The following FSTL4 variants were observed in gnomAD, a reference collection of about 807,000 sequenced individuals.
FSTL4 encodes follistatin-related protein 4.
Under a neutral mutation model 78.2 loss-of-function variants are expected in FSTL4, and 28 were observed. That is an observed-to-expected ratio of 0.36 (90% CI 0.27 to 0.49). The LOEUF (loss-of-function observed/expected upper bound fraction) is 0.49, where lower values mean the gene tolerates loss of function less well. FSTL4 is among the 20% of genes least tolerant of loss of function. The probability of loss-of-function intolerance (pLI) is 0.98; values close to 1 mark genes in which losing one functional copy is unlikely to be tolerated. For missense variants in FSTL4, 922 were observed against 1,084.9 expected, an observed-to-expected ratio of 0.85 and a Z score of 2.11; for synonymous variants, 422 against 440.5, an observed-to-expected ratio of 0.96 and a Z score of 0.53.
chr5:133,357,737 C>G (rs1754971111), intron 4 of FSTL4, among the ~76,000 whole-genome samples: 1 of 152,120 alleles, frequency 6.6e-6, no homozygotes, highest in Non-Finnish European at 1.5e-5. Flanking sequence ...CTTCTGGCCT[C>G]TCTCCCTAGC....
the FSTL4 span, among the ~76,000 whole-genome samples, chr5:133,701,511 C>A: frequency 3.1e-5 from 2 of 63,518 alleles, no homozygotes; most frequent in East Asian, 6.3e-4. Flanking sequence ...ACACACACAC[C>A]CCACAGGCCA....
chr5:133,221,405 GC>G (rs767346478), intron 11 of FSTL4, among the ~76,000 whole-genome samples: 2 of 146,796 alleles, frequency 1.4e-5, no homozygotes, highest in South Asian at 2.2e-4. Context: ...TCTGTTCCCT[GC>G]CCCCCCACCG....
the FSTL4 span, among the ~76,000 whole-genome samples, chr5:133,644,562 T>C: frequency 6.6e-6 from 1 of 152,190 alleles, no homozygotes; most frequent in Non-Finnish European, 1.5e-5. Flanking sequence ...GTGATGGTCC[T>C]GCCTGCTGAC....
the FSTL4 span, among the ~76,000 whole-genome samples, chr5:133,761,013 G>A: frequency 0.013 from 2,035 of 152,284 alleles, 49 homozygotes; most frequent in African/African-American, 0.047. Context: ...ACTTCATCCC[G>A]TTAGAGCTAA....
intron 1 of FSTL4, among the ~76,000 whole-genome samples, chr5:133,610,093 A>T (rs1216969341): frequency 3.9e-5 from 6 of 152,248 alleles, no homozygotes. Flanking sequence ...ACAAAAGATC[A>T]TAACGTGAAG....
intron 4 of FSTL4, among the ~76,000 whole-genome samples, chr5:133,321,042 G>A (rs1754037897): frequency 6.7e-6 from 1 of 148,812 alleles, no homozygotes. Context: ...AATCATTTTG[G>A]GCAAGAAAGT....
At chr5:133,527,654 A>AG (rs1479621962) in intron 3 of FSTL4, among the ~76,000 whole-genome samples, 5 of 152,368 alleles carry the variant, frequency 3.3e-5, no homozygotes, top group Non-Finnish European at 5.9e-5. Context: ...TCAGAGTAGC[A>AG]AGAGTCATTC....
chr5:133,318,442 C>T (rs148183984), intron 4 of FSTL4, among the ~76,000 whole-genome samples: 1 of 152,162 alleles, frequency 6.6e-6, no homozygotes, highest in Non-Finnish European at 1.5e-5. Context: ...TAGCTCCTCA[C>T]TCCCTGAAAG....
the FSTL4 span, among the ~76,000 whole-genome samples, chr5:133,694,023 G>T: frequency 6.6e-6 from 1 of 152,152 alleles, no homozygotes; most frequent in African/African-American, 2.4e-5. Context: ...CAGCTCTCTA[G>T]GTATTACTCA....
chr5:133,213,746 T>A lies in FSTL4; in HGVS notation c.1609-3448A>T, dbSNP rs114904750. On this transcript the variant is annotated intron_variant, in intron 13 of 15. Transcript: ENST00000265342. Reference sequence around the variant, plus strand: ...CAAATAACAAAAGTAACATAGTAGATAAAAATCAACTATATAATTAATTAT... The same window carrying A: ...CAAATAACAAAAGTAACATAGTAGAAAAAAATCAACTATATAATTAATTAT... Among the ~76,000 whole-genome samples the A allele has an allele frequency of 3.0e-3, 463 of 152,170 alleles. 5 individuals are homozygous for A. The highest frequency in any genetic ancestry group is 0.01 in the African/African-American group (435 of 41,522).
intron 3 of FSTL4, among the ~76,000 whole-genome samples, chr5:133,516,382 C>T (rs918547314): frequency 9.2e-5 from 14 of 152,140 alleles, no homozygotes; most frequent in African/African-American, 3.1e-4. Flanking sequence ...CAAACACATA[C>T]ACAAAACCAG....
At chr5:133,264,560 A>G (rs1752603668) in intron 6 of FSTL4, among the ~76,000 whole-genome samples, 1 of 151,904 alleles carries the variant, frequency 6.6e-6, no homozygotes, top group Non-Finnish European at 1.5e-5. Flanking sequence ...TGGGAGGGAG[A>G]CTCAGAAGAG....
the FSTL4 span, among the ~76,000 whole-genome samples, chr5:133,635,486 GGGCACAGT>G: frequency 6.6e-6 from 1 of 152,024 alleles, no homozygotes; most frequent in African/African-American, 2.4e-5. Flanking sequence ...CTTGGCGGCT[GGGCACAGT>G]GGCTCATGCC....
intron 6 of FSTL4, 49 bp from the exon 7 acceptor site, chr5:133,249,625 G>C (rs75625140): frequency 6.7e-7 from 1 of 1,489,404 alleles, no homozygotes; most frequent in Admixed American, 1.7e-5. Flanking sequence ...CCAGGGATTG[G>C]AGTCTCAACT....
At chr5:133,261,767 G>T (rs1752528618) in intron 6 of FSTL4, among the ~76,000 whole-genome samples, 1 of 152,144 alleles carries the variant, frequency 6.6e-6, no homozygotes, top group South Asian at 2.1e-4. Flanking sequence ...GAGGCAGGCG[G>T]ATCACTTGAG....
intron 3 of FSTL4, among the ~76,000 whole-genome samples, chr5:133,543,841 T>C (rs1759522780): frequency 6.6e-6 from 1 of 152,088 alleles, no homozygotes; most frequent in African/African-American, 2.4e-5. Context: ...CCTTTTCTAT[T>C]TTTCATTTTC....
chr5:133,622,891 A>G, the FSTL4 span, among the ~76,000 whole-genome samples: 1 of 152,136 alleles, frequency 6.6e-6, no homozygotes, highest in East Asian at 1.9e-4. Context: ...TGCAGAGCAA[A>G]AGTTTTTAAT....
chr5:133,377,837 T>A (rs1187370216), intron 4 of FSTL4, among the ~76,000 whole-genome samples: 1 of 151,980 alleles, frequency 6.6e-6, no homozygotes. Flanking sequence ...GAGATCCAGG[T>A]GCACTCTACT....
chr5:133,444,009 C>T (rs1048515250), intron 3 of FSTL4, among the ~76,000 whole-genome samples: 6 of 152,198 alleles, frequency 3.9e-5, no homozygotes, highest in African/African-American at 1.4e-4. Context: ...TACACACCCC[C>T]TTCTTTTCCT....
Sources: allele counts gnomAD v4.1 joint callset (sites outside exome capture counted in the v4.1 genomes callset), GRCh38; gene constraint gnomAD v4.1.1; transcripts MANE v1.5; gene names NCBI Gene and HGNC (gene_info 2026-07-23, HGNC 2026-07-21).